The following NBPF14 variants were observed in gnomAD, a reference collection of about 807,000 sequenced individuals.
NBPF14 encodes NBPF member 14.
In NBPF14, 104 loss-of-function variants were observed where a neutral mutation model predicts 91.2. The ratio of observed to expected loss-of-function variants is 1.14; its 90% CI spans 0.97 to 1.34. The LOEUF (loss-of-function observed/expected upper bound fraction) is 1.34. Among genes scored for constraint, NBPF14 ranks in the 40% most tolerant of loss-of-function variants. The pLI is 0.00. For synonymous variants in NBPF14, 294 were observed against 303.8 expected, an observed-to-expected ratio of 0.97 and a Z score of 0.34; for missense variants, 908 against 783.0, an observed-to-expected ratio of 1.16 and a Z score of -1.91.
chr1:148,534,666 T>C lies in NBPF14; in HGVS notation c.8614+18A>G. ...AAGACCAGGTGGAGGCTTATCACCT[T>C]CATAGTAAGGTACTCACTGTCCACG... On this transcript the variant is annotated intron_variant, in intron 69 of 70. Coordinates refer to ENST00000619423, the Ensembl canonical transcript of NBPF14. 1 of 806,962 alleles carries C rather than the reference T, an allele frequency of 1.2e-6. No individual in the cohort carries two copies. The allele number at this position is 806,962 out of a possible 1,614,324, so 50.0% of individuals were successfully genotyped here.
chr1:148,572,726 A>T, intron 20 of NBPF14, 111 bp from the exon 21 acceptor site: 4 of 617,250 alleles, frequency 6.5e-6, no homozygotes, highest in Admixed American at 2.3e-5. Flanking sequence ...AAAAGGACAG[A>T]TCCATTAATG....
chr1:148,572,635 T>A lies in NBPF14; in HGVS notation c.2586-20A>T, dbSNP rs1570977283. On this transcript the variant is annotated intron_variant, in intron 20 of 70. Coordinates refer to ENST00000619423, the Ensembl canonical transcript of NBPF14. ...CTGAGCCTGGAAAAGTGGGAAAAAG[T>A]AAAGAATAAGCCAGGGGGAATCAGA... is the stretch of plus-strand genomic sequence containing the variant. 1.7e-6 allele frequency: 1 copy of A among 601,818 alleles called. No homozygotes were observed. The highest frequency in any genetic ancestry group is 2.8e-5 in the East Asian group (1 of 35,418). The allele number at this position is 601,818 out of a possible 1,614,324, so 37.3% of individuals were successfully genotyped here.
At chr1:148,550,047 T>G (rs1656009346) in intron 49 of NBPF14, among the ~76,000 whole-genome samples, 1 of 148,210 alleles carries the variant, frequency 6.7e-6, no homozygotes, top group Admixed American at 6.7e-5. Flanking sequence ...GAAATTAGAG[T>G]GAAGGATGAA....
intron 14 of NBPF14, 65 bp downstream of exon 14, chr1:148,577,918 T>A: frequency 1.6e-6 from 1 of 635,834 alleles, no homozygotes; most frequent in South Asian, 1.8e-5. Flanking sequence ...ATGTACTGTT[T>A]TCCCTGGACT....
chr1:148,534,703 G>T (rs1403909987), exon 69 of NBPF14: 2 of 836,006 alleles, frequency 2.4e-6, no homozygotes, highest in Non-Finnish European at 4.2e-6. Flanking sequence ...CAAGAGCCAA[G>T]CCAAGGTACT....
intron 15 of NBPF14, among the ~76,000 whole-genome samples, chr1:148,576,792 C>A (rs1279018231): frequency 3.5e-4 from 49 of 141,618 alleles, no homozygotes; most frequent in South Asian, 6.9e-4. Flanking sequence ...CTGCACTATT[C>A]AGCCCTGTCT....
At chr1:148,557,102 A>AGAGAGAGAGAG (rs1656725128) in intron 40 of NBPF14, among the ~76,000 whole-genome samples, 2 of 125,878 alleles carry the variant, frequency 1.6e-5, no homozygotes, top group Non-Finnish European at 3.1e-5. Context: ...AGAGAGAGAG[A>AGAGAGAGAGAG]ACGAGCTCAG....
intron 7 of NBPF14, 37 bp from the exon 8 acceptor site, chr1:148,587,440 C>G: frequency 6.5e-7 from 1 of 1,545,474 alleles, no homozygotes. Flanking sequence ...CAGTGGAAGG[C>G]TGGACATGCT....
At chr1:148,593,121 C>A (rs1318015450) in intron 3 of NBPF14, among the ~76,000 whole-genome samples, 79 of 146,618 alleles carry the variant, frequency 5.4e-4, no homozygotes, top group African/African-American at 1.9e-3. Flanking sequence ...GCGGCCACTA[C>A]ATACAAAGCC....
intron 20 of NBPF14, among the ~76,000 whole-genome samples, 193 bp from the exon 21 acceptor site, chr1:148,572,808 A>T (rs1454783040): frequency 2.5e-5 from 1 of 40,672 alleles, no homozygotes. Flanking sequence ...AGAGAGACAG[A>T]CAGAGACAGA....
At chr1:148,561,780 C>G (rs1657785950) in intron 34 of NBPF14, among the ~76,000 whole-genome samples, 1 of 117,390 alleles carries the variant, frequency 8.5e-6, no homozygotes, top group East Asian at 2.9e-4. Flanking sequence ...CAGATAGACA[C>G]ACACACACAC....
At position 148,566,327 on chromosome 1, in the gene NBPF14, G is replaced by C. The variant is rs1299846295; in HGVS notation, c.3543-12C>G. The stretch of plus-strand genomic sequence containing the variant: ...GCTCCCTGCTGAGCCTGGAAAAGGA[G>C]GAAAAGGTAAAGAATAAGCCAGGGG... On this transcript the variant is annotated splice_polypyrimidine_tract_variant and intron_variant, in intron 28 of 70. Transcript: ENST00000619423. The C allele has an allele frequency of 5.2e-6, 4 of 772,564 alleles. No homozygotes were observed. The highest frequency in any genetic ancestry group is 6.8e-6 in the Non-Finnish European group (3 of 442,160). 47.9% of individuals were successfully genotyped at this position (772,564 alleles called of 1,614,324 possible). A position where few individuals can be genotyped will look rare whatever the true frequency, so the allele number is the denominator to read the frequency against.
chr1:148,534,220 C>T (rs2149469575), intron 69 of NBPF14, among the ~76,000 whole-genome samples: 1 of 151,262 alleles, frequency 6.6e-6, no homozygotes, highest in Admixed American at 6.7e-5. Flanking sequence ...CAAGTTTCTG[C>T]AAACAGTTAC....
chr1:148,572,389 C>T lies in NBPF14; in HGVS notation c.2758+54G>A, dbSNP rs1372356309. 5.8e-5 allele frequency: 23 copies of T among 396,594 alleles called. 3 individuals are homozygous for T. The Admixed American group carries it at 6.5e-4, about 11-fold the overall frequency. The allele number at this position is 396,594 out of a possible 1,614,324, so 24.6% of individuals were successfully genotyped here. Reference sequence around the variant, plus strand: ...AGGGGCACTTGGAACAGGAATATCACCCCTATCTGGAAGACCAGGTGGAGG... The same window carrying T: ...AGGGGCACTTGGAACAGGAATATCATCCCTATCTGGAAGACCAGGTGGAGG... On this transcript the variant is annotated intron_variant, in intron 21 of 70. Transcript: ENST00000619423.
intron 2 of NBPF14, among the ~76,000 whole-genome samples, chr1:148,595,129 T>C (rs1663101901): frequency 6.9e-6 from 1 of 144,300 alleles, no homozygotes; most frequent in South Asian, 2.3e-4. Context: ...GAACAGAGCT[T>C]TGCCTCTTGG....
At chr1:148,534,021 C>T (rs782255614) in intron 69 of NBPF14, 52 bp from the exon 70 acceptor site, 7 of 665,444 alleles carry the variant, frequency 1.1e-5, no homozygotes, top group Admixed American at 4.4e-5. Context: ...CCCCTACACA[C>T]ATAACAATCC....
intron 34 of NBPF14, 79 bp downstream of exon 34, chr1:148,562,157 G>A: frequency 5.4e-6 from 1 of 186,556 alleles, no homozygotes; most frequent in Non-Finnish European, 9.0e-6. Flanking sequence ...AATCGATAAT[G>A]TCAGCCCGCT....
intron 68 of NBPF14, among the ~76,000 whole-genome samples, chr1:148,535,132 T>A (rs1382087585): frequency 8.8e-5 from 13 of 147,484 alleles, no homozygotes; most frequent in Admixed American, 4.7e-4. Context: ...AAGGACACTC[T>A]GAGTTAGTGC....
rs1195313627 is a variant in NBPF14, at chr1:148,539,292, T to C, written c.7882+118A>G. On this transcript the variant is annotated intron_variant, in intron 63 of 70. Coordinates refer to ENST00000619423, the Ensembl canonical transcript of NBPF14. ...TTTCTTTACAACCTATATGCGCCCATAGGTCCTGACTGCGGCAATGACGTC... is the reference window on the plus strand; with the variant it reads ...TTTCTTTACAACCTATATGCGCCCACAGGTCCTGACTGCGGCAATGACGTC... 6.3e-6 allele frequency: 4 copies of C among 637,466 alleles called. 1 individual carries two copies. The highest frequency in any genetic ancestry group is 4.0e-4 in the Middle Eastern group (1 of 2,496). The allele number at this position is 637,466 out of a possible 1,614,324, so 39.5% of individuals were successfully genotyped here.
Sources: allele counts gnomAD v4.1 joint callset (sites outside exome capture counted in the v4.1 genomes callset), GRCh38; gene constraint gnomAD v4.1.1; transcripts MANE v1.5; gene names NCBI Gene and HGNC (gene_info 2026-07-23, HGNC 2026-07-21).